The following SLC25A40 variants were observed in gnomAD, a reference collection of about 807,000 sequenced individuals.
The protein encoded by SLC25A40 is solute carrier family 25 member 40, also known as mitochondrial glutathione transporter SLC25A40.
In SLC25A40, 41 loss-of-function variants were observed where a neutral mutation model predicts 46.5. That is an observed-to-expected ratio of 0.88 (90% CI 0.69 to 1.14). The LOEUF (loss-of-function observed/expected upper bound fraction) is 1.14. SLC25A40 is among the 50% of genes most tolerant of loss of function. The pLI is 0.00. For missense variants in SLC25A40, 386 were observed against 393.6 expected (o/e 0.98, Z 0.16); for synonymous variants, 126 against 127.5 (o/e 0.99, Z 0.08).
chr7:87,850,698 G>C (rs971660633), intron 5 of SLC25A40, among the ~76,000 whole-genome samples: 4 of 151,928 alleles, frequency 2.6e-5, no homozygotes, highest in Admixed American at 2.6e-4. Flanking sequence ...AGCCCAGCAG[G>C]GAGAGGCTGC....
intron 1 of SLC25A40, among the ~76,000 whole-genome samples, chr7:87,863,145 T>C (rs1200900060): frequency 6.6e-6 from 1 of 152,230 alleles, no homozygotes; most frequent in Non-Finnish European, 1.5e-5. Flanking sequence ...GCATGTATAC[T>C]TTCCTTACTG....
intron 8 of SLC25A40, 191 bp from the exon 9 acceptor site, chr7:87,844,054 C>T (rs1369145186): frequency 1.8e-5 from 17 of 939,072 alleles, no homozygotes; most frequent in African/African-American, 3.6e-5. Context: ...TCTAGTAGTC[C>T]TATAAACAAA....
At chr7:87,867,394 C>G (rs1465134750) in intron 1 of SLC25A40, among the ~76,000 whole-genome samples, 1 of 152,130 alleles carries the variant, frequency 6.6e-6, no homozygotes, top group Non-Finnish European at 1.5e-5. Flanking sequence ...AGTATCTAAT[C>G]AAATTTTTAG....
intron 4 of SLC25A40, among the ~76,000 whole-genome samples, 163 bp from the exon 5 acceptor site, chr7:87,854,473 C>G (rs1271434877): frequency 6.6e-6 from 1 of 152,070 alleles, no homozygotes; most frequent in Non-Finnish European, 1.5e-5. Flanking sequence ...ATGAAACAGA[C>G]AAAATTAATT....
At chr7:87,842,936 C>T (rs1838356749) in intron 9 of SLC25A40, among the ~76,000 whole-genome samples, 1 of 151,832 alleles carries the variant, frequency 6.6e-6, no homozygotes, top group Non-Finnish European at 1.5e-5. Context: ...ACTTATAATC[C>T]ACTAGGATTA....
chr7:87,845,333 C>A (rs1305861441), intron 8 of SLC25A40, among the ~76,000 whole-genome samples: 2 of 152,264 alleles, frequency 1.3e-5, no homozygotes, highest in East Asian at 3.9e-4. Flanking sequence ...CCATTAGGAA[C>A]TGGGCTACAC....
At chr7:87,862,417 G>T (rs1838721082) in intron 1 of SLC25A40, among the ~76,000 whole-genome samples, 2 of 152,054 alleles carry the variant, frequency 1.3e-5, no homozygotes, top group Admixed American at 1.3e-4. Context: ...TAACCAAGGT[G>T]GTCTTCAAAT....
In SLC25A40 at chr7:87,846,970, G is replaced by C. The variant is rs1429649747; in HGVS notation, c.610C>G (p.Leu204Val). The C allele has an allele frequency of 6.2e-7, 1 of 1,611,822 alleles. No homozygotes were observed. The highest frequency in any genetic ancestry group is 8.5e-7 in the Non-Finnish European group (1 of 1,179,118). ...SLWRGWAPTV[L>V]RDVPFSAMYW... Reference sequence around the variant, plus strand: ...CTACCTGAGAAAGGTACATCTCTAAGAACAGTAGGAGCCCAGCCCCTCCAA... The same window carrying C: ...CTACCTGAGAAAGGTACATCTCTAACAACAGTAGGAGCCCAGCCCCTCCAA... The change falls in exon 8 of 12, where the codon CTT (leucine) becomes GTT (valine). Residue 204 changes from leucine to valine, a missense_variant. By Grantham distance (32) the Leu-to-Val change is conservative. Transcript: ENST00000341119.
intron 9 of SLC25A40, chr7:87,842,014 T>C: frequency 2.5e-6 from 1 of 396,484 alleles, no homozygotes; most frequent in South Asian, 2.0e-5. Context: ...ATTCACAATT[T>C]CTCACGCTCC....
intron 8 of SLC25A40, among the ~76,000 whole-genome samples, chr7:87,846,078 A>G (rs1190604058): frequency 2.0e-5 from 3 of 152,234 alleles, no homozygotes; most frequent in Non-Finnish European, 4.4e-5. Flanking sequence ...TAAACAAGTA[A>G]AAATGAAGAA....
In SLC25A40 at chr7:87,854,496, T is replaced by A. The variant is rs139462760; in HGVS notation, c.158-186A>T. 1.9e-3 allele frequency among the ~76,000 whole-genome samples: 294 copies of A among 152,334 alleles called. 1 individual carries two copies. The highest frequency in any genetic ancestry group is 6.8e-3 in the African/African-American group (281 of 41,570). Reference sequence around the variant, plus strand: ...GACAAAATTAATTTGATTTGCTTAATGCTACTGCAATGCATTCTAAACTCA... The same window carrying A: ...GACAAAATTAATTTGATTTGCTTAAAGCTACTGCAATGCATTCTAAACTCA... On this transcript the variant is annotated intron_variant, in intron 4 of 11. Coordinates refer to ENST00000341119, the MANE Select transcript of SLC25A40 (RefSeq NM_018843.4).
intron 8 of SLC25A40, 110 bp downstream of exon 8, chr7:87,846,839 T>C (rs181532041): frequency 1.9e-5 from 16 of 864,020 alleles, no homozygotes; most frequent in East Asian, 1.1e-4. Context: ...GTGGTCACTA[T>C]AGAAAATAAC....
intron 8 of SLC25A40, among the ~76,000 whole-genome samples, chr7:87,846,379 A>C (rs915544181): frequency 1.3e-5 from 2 of 152,208 alleles, no homozygotes; most frequent in East Asian, 1.9e-4. Flanking sequence ...ATGATCCACA[A>C]GGGAAATGCC....
chr7:87,864,913 T>C (rs140407019), intron 1 of SLC25A40, among the ~76,000 whole-genome samples: 1 of 152,090 alleles, frequency 6.6e-6, no homozygotes, highest in African/African-American at 2.4e-5. Context: ...CTGTTTTCCT[T>C]TGTGGCTAAG....
At chr7:87,862,611 A>G (rs1358601268) in intron 1 of SLC25A40, among the ~76,000 whole-genome samples, 2 of 152,194 alleles carry the variant, frequency 1.3e-5, no homozygotes, top group Non-Finnish European at 2.9e-5. Context: ...AGAATTTTCA[A>G]TTTTTTCAAA....
At chr7:87,841,540 A>T (rs1838334308) in intron 10 of SLC25A40, 93 bp downstream of exon 10, 1 of 671,532 alleles carries the variant, frequency 1.5e-6, no homozygotes, top group Admixed American at 3.8e-5. Context: ...CAGAAGAAAA[A>T]ATCTTGTTTT....
intron 5 of SLC25A40, among the ~76,000 whole-genome samples, chr7:87,852,511 G>A (rs549427937): frequency 6.6e-6 from 1 of 152,074 alleles, no homozygotes; most frequent in South Asian, 2.1e-4. Context: ...TGAGGAAGCA[G>A]TGAGTCATGA....
chr7:87,836,415 T>A (rs1584320395), intron 11 of SLC25A40, 54 bp from the exon 12 acceptor site: 16 of 1,128,096 alleles, frequency 1.4e-5, no homozygotes, highest in Middle Eastern at 2.9e-4. Flanking sequence ...ACCTTATTTT[T>A]AAAAATATTA....
At chr7:87,847,639 G>T (rs1451098531) in intron 7 of SLC25A40, among the ~76,000 whole-genome samples, 1 of 152,112 alleles carries the variant, frequency 6.6e-6, no homozygotes, top group East Asian at 1.9e-4. Flanking sequence ...TCCATGATTT[G>T]ACCAAAATAG....
Sources: gnomAD v4.1 joint callset for allele counts (sites outside exome capture counted in the v4.1 genomes callset) on GRCh38, gnomAD v4.1.1 for gene constraint, MANE v1.5 for transcripts, NCBI Gene and HGNC (gene_info 2026-07-23, HGNC 2026-07-21) for gene names.